FHIT: variants seen among roughly 807,000 people sequenced by gnomAD.
The protein encoded by FHIT is fragile histidine triad diadenosine triphosphatase.
Under a neutral mutation model 17.9 loss-of-function variants are expected in FHIT, and 19 were observed. That is an observed-to-expected ratio of 1.06 (90% confidence interval 0.74 to 1.56). The LOEUF (loss-of-function observed/expected upper bound fraction) is 1.56, where lower values mean the gene tolerates loss of function less well. Among genes scored for constraint, FHIT ranks in the 40% most tolerant of loss-of-function variants. FHIT has a pLI of 0.00. For missense variants in FHIT, 248 were observed against 189.2 expected, an observed-to-expected ratio of 1.31 and a Z score of -1.82; for synonymous variants, 81 against 69.7, an observed-to-expected ratio of 1.16 and a Z score of -0.81.
intron 5 of FHIT, among the ~76,000 whole-genome samples, chr3:60,334,124 G>T (rs550756521): frequency 6.6e-6 from 1 of 152,282 alleles, no homozygotes; most frequent in South Asian, 2.1e-4. Flanking sequence ...GAAACAAATG[G>T]AAGGACCTAG....
intron 4 of FHIT, among the ~76,000 whole-genome samples, chr3:60,733,190 A>G (rs2042068243): frequency 6.6e-6 from 1 of 152,190 alleles, no homozygotes; most frequent in South Asian, 2.1e-4. Context: ...GAAGACTGCG[A>G]CAAACCACTC....
intron 4 of FHIT, among the ~76,000 whole-genome samples, chr3:60,650,086 A>T (rs1393305916): frequency 2.0e-5 from 3 of 152,244 alleles, no homozygotes; most frequent in Non-Finnish European, 4.4e-5. Context: ...TTCTGAGAGC[A>T]AATAATCCTT....
intron 5 of FHIT, among the ~76,000 whole-genome samples, chr3:60,258,453 C>T (rs1409388344): frequency 6.6e-6 from 1 of 152,156 alleles, no homozygotes; most frequent in Non-Finnish European, 1.5e-5. Context: ...AATAAAATCA[C>T]CTCCTTAACT....
At chr3:61,011,668 T>C (rs1237185753) in intron 3 of FHIT, among the ~76,000 whole-genome samples, 6 of 152,140 alleles carry the variant, frequency 3.9e-5, no homozygotes, top group East Asian at 3.9e-4. Flanking sequence ...GTATCTGCAG[T>C]AAGGGTATCA....
chr3:60,006,614 C>T (rs1575866853), intron 7 of FHIT, among the ~76,000 whole-genome samples: 1 of 151,648 alleles, frequency 6.6e-6, no homozygotes, highest in Non-Finnish European at 1.5e-5. Context: ...GTCAGTTTTT[C>T]TCCACTATCA....
At chr3:59,925,511 G>T (rs1255062584) in intron 7 of FHIT, among the ~76,000 whole-genome samples, 1 of 152,064 alleles carries the variant, frequency 6.6e-6, no homozygotes, top group African/African-American at 2.4e-5. Flanking sequence ...TAACATATGG[G>T]GGGTTGCGAA....
At chr3:61,216,606 A>C (rs1019993100) in intron 1 of FHIT, among the ~76,000 whole-genome samples, 6 of 152,194 alleles carry the variant, frequency 3.9e-5, no homozygotes, top group African/African-American at 1.4e-4. Flanking sequence ...GGGATCTAGA[A>C]CTAGAAATAC....
In FHIT at chr3:60,068,061, C is replaced by G. The variant is rs555200414; in HGVS notation, c.104-53909G>C. Among the ~76,000 whole-genome samples, 7 of 151,980 alleles carry G rather than the reference C, an allele frequency of 4.6e-5. No homozygotes were observed. In the South Asian group the frequency reaches 8.3e-4, roughly 18 times the overall value. ...GACCAGCCTGGTCAACGTGGTGAAA[C>G]CCCGTCTCTACTAAAAAAACAAAAA... On this transcript the variant is annotated intron_variant, in intron 5 of 9. Transcript: ENST00000492590.
At chr3:60,380,431 C>G (rs1055177704) in intron 5 of FHIT, among the ~76,000 whole-genome samples, 1 of 152,180 alleles carries the variant, frequency 6.6e-6, no homozygotes, top group East Asian at 1.9e-4. Flanking sequence ...CCAAACAAAC[C>G]TCTTTTCATT....
chr3:60,130,328 T>C (rs2064016), intron 5 of FHIT, among the ~76,000 whole-genome samples: 30,503 of 152,170 alleles, frequency 0.2, 3,394 homozygotes, highest in Admixed American at 0.3. Context: ...ACATTTATTG[T>C]GCTTTTCTGC....
chr3:61,083,278 G>C (rs1365257260), intron 2 of FHIT, among the ~76,000 whole-genome samples: 1 of 152,028 alleles, frequency 6.6e-6, no homozygotes, highest in Admixed American at 6.6e-5. Flanking sequence ...TCCAATTTTA[G>C]AACATTCTAA....
At chr3:60,163,748 C>T (rs1363334083) in intron 5 of FHIT, among the ~76,000 whole-genome samples, 2 of 152,198 alleles carry the variant, frequency 1.3e-5, no homozygotes, top group Admixed American at 1.3e-4. Context: ...AGTTTAGCAG[C>T]ATTCACTAGA....
At chr3:60,586,048 C>A (rs1225528249) in intron 4 of FHIT, among the ~76,000 whole-genome samples, 2 of 151,868 alleles carry the variant, frequency 1.3e-5, no homozygotes, top group Non-Finnish European at 2.9e-5. Flanking sequence ...ACGAAGCACA[C>A]TTTCAAGAAT....
intron 5 of FHIT, among the ~76,000 whole-genome samples, chr3:60,087,115 C>T (rs1486127527): frequency 2.6e-5 from 4 of 152,194 alleles, no homozygotes; most frequent in African/African-American, 9.7e-5. Flanking sequence ...TTGCACCCTC[C>T]AGAGAAGGAG....
At chr3:60,439,030 A>G (rs1302342928) in intron 5 of FHIT, among the ~76,000 whole-genome samples, 5 of 152,176 alleles carry the variant, frequency 3.3e-5, no homozygotes, top group Non-Finnish European at 5.9e-5. Context: ...GATGAGATAA[A>G]TCGAATTGGT....
At chr3:61,138,181 A>G (rs2106985801) in intron 2 of FHIT, among the ~76,000 whole-genome samples, 1 of 152,322 alleles carries the variant, frequency 6.6e-6, no homozygotes, top group South Asian at 2.1e-4. Flanking sequence ...ACATCTACCT[A>G]GTCTATCTAC....
intron 8 of FHIT, among the ~76,000 whole-genome samples, chr3:59,880,960 G>C (rs897577433): frequency 6.6e-6 from 1 of 152,114 alleles, no homozygotes; most frequent in African/African-American, 2.4e-5. Context: ...CTTCCAATTT[G>C]AGGGCACTTG....
At chr3:59,757,427 T>C (rs1701274786) in intron 8 of FHIT, among the ~76,000 whole-genome samples, 1 of 152,214 alleles carries the variant, frequency 6.6e-6, no homozygotes, top group Non-Finnish European at 1.5e-5. Context: ...TACGTGTCGA[T>C]TTTGACACTG....
chr3:60,097,246 C>A (rs922421504), intron 5 of FHIT, among the ~76,000 whole-genome samples: 1 of 151,920 alleles, frequency 6.6e-6, no homozygotes, highest in East Asian at 1.9e-4. Context: ...ATCTACCAGC[C>A]CCTCCAAACA....
Sources: allele counts gnomAD v4.1 joint callset (sites outside exome capture counted in the v4.1 genomes callset), GRCh38; gene constraint gnomAD v4.1.1; transcripts MANE v1.5; gene names NCBI Gene and HGNC (gene_info 2026-07-23, HGNC 2026-07-21).